The following ZNF473 variants were observed in gnomAD, a reference collection of about 807,000 sequenced individuals.
The protein encoded by ZNF473 is zinc finger protein 100 homolog.
In ZNF473, 4 loss-of-function variants were observed where a neutral mutation model predicts 11.1. That is an observed-to-expected ratio of 0.36 (90% CI 0.18 to 0.82). ZNF473 has a LOEUF of 0.82. Among genes scored for constraint, ZNF473 ranks in the 40% least tolerant of loss-of-function variants. The probability of loss-of-function intolerance (pLI) is 0.49; values close to 1 mark genes in which losing one functional copy is unlikely to be tolerated. For missense variants in ZNF473, 854 were observed against 1,084.0 expected (o/e 0.79, Z 2.98); for synonymous variants, 404 against 390.4 (o/e 1.03, Z -0.41).
chr19:50,036,073 C>G (rs1978418006), intron 2 of ZNF473, among the ~76,000 whole-genome samples: 1 of 151,884 alleles, frequency 6.6e-6, no homozygotes, highest in Admixed American at 6.6e-5. Flanking sequence ...CCTCCTACCT[C>G]AGCCTCCCGA....
At chr19:50,044,288 A>T (rs1978944209) in intron 4 of ZNF473, among the ~76,000 whole-genome samples, 1 of 152,170 alleles carries the variant, frequency 6.6e-6, no homozygotes, top group Admixed American at 6.5e-5. Flanking sequence ...GGAGAACTGG[A>T]TGGATGGTGG....
chr19:50,045,369 A>G lies in ZNF473; in HGVS notation c.926A>G (p.Glu309Gly), dbSNP rs16981706. The change falls in exon 5 of 5, where the codon GAG becomes GGG. Residue 309 changes from glutamate (E) to glycine (G), a missense_variant. By Grantham distance (98) the Glu-to-Gly change is moderately conservative. Around this residue, in one of 2 missense-constraint regions of ZNF473, gnomAD observed 668 missense variants for 790.2 expected, o/e 0.85. Transcript: ENST00000270617. ...CCCAGTCATGACACACAGCCTGGTG[A>G]GCATCAGAAAACTCACACAGATAGT... ...HPPSHDTQPG[E>G]HQKTHTDSKS... 15,922 of 1,614,104 alleles carry G rather than the reference A, an allele frequency of 9.9e-3. 1,367 individuals carry two copies. In the African/African-American group the frequency reaches 0.19, roughly 19 times the overall value.
rs1978645900 is a variant in ZNF473 at position 50,039,307 on chromosome 19, AG to A, written c.136+24del. The A allele has an allele frequency of 6.2e-7, 1 of 1,613,556 alleles. No individual in the cohort carries two copies. ...TGCTGGGTGAGTGTTGCCTGTCCCC[AG>A]GGGCCTACTCACTGCCCTGCTTGGT... On this transcript the variant is annotated intron_variant, in intron 3 of 4. Transcript: ENST00000270617. The surrounding 1 kb of genome is among the most constrained non-coding windows in gnomAD (Gnocchi z 4.8).
At chr19:50,041,450 G>T (rs1978762166) in intron 3 of ZNF473, 1 of 251,852 alleles carries the variant, frequency 4.0e-6, no homozygotes, top group East Asian at 8.0e-5. Context: ...GGCAGATCCT[G>T]CCCATTAAAG....
chr19:50,046,892 A>G lies in ZNF473; in HGVS notation c.2449A>G (p.Asn817Asp). Residue 817 changes from asparagine (N) to aspartate (D), a missense_variant, in exon 5 of 5, where the codon AAT becomes GAT. Transcript: ENST00000270617. The surrounding 1 kb of genome is among the most constrained non-coding windows in gnomAD (Gnocchi z 5.9). ...CACAGGGGAGAAGCCTTACTCCTGT[A>G]ATGTGTGTGGCAAAGCTTTTGTCCT... is the stretch of plus-strand genomic sequence containing the variant. Reference protein sequence around the residue: ...IHTGEKPYSCNVCGKAFVLSA... With the variant: ...IHTGEKPYSCDVCGKAFVLSA... The G allele has an allele frequency of 3.1e-6, 5 of 1,614,188 alleles. No individual in the cohort carries two copies. Among genetic ancestry groups the G allele is most frequent in the Non-Finnish European group, 4.2e-6 (5 of 1,180,030 alleles).
chr19:50,036,711 G>A (rs1286122480), intron 2 of ZNF473, among the ~76,000 whole-genome samples: 2 of 152,092 alleles, frequency 1.3e-5, no homozygotes, highest in Non-Finnish European at 2.9e-5. Flanking sequence ...GGGTTATCAT[G>A]AGAGTGGGTC....
chr19:50,043,667 A>C (rs1600761009), intron 4 of ZNF473, among the ~76,000 whole-genome samples: 1 of 151,886 alleles, frequency 6.6e-6, no homozygotes, highest in South Asian at 2.1e-4. Flanking sequence ...CAGTGGATGG[A>C]TGAGCAGTGG....
Position 50,045,361 on chromosome 19 carries a change from G to C in ZNF473, c.918G>C (p.Gln306His). The C allele has an allele frequency of 6.2e-7, 1 of 1,614,148 alleles. No homozygotes were observed. The highest frequency in any genetic ancestry group is 8.5e-7 in the Non-Finnish European group (1 of 1,180,022). ...DSDHPPSHDT[Q>H]PGEHQKTHTD... The stretch of plus-strand genomic sequence containing the variant: ...ACCACCCACCCAGTCATGACACACA[G>C]CCTGGTGAGCATCAGAAAACTCACA... Residue 306 changes from glutamine (Q) to histidine (H), a missense_variant, in exon 5 of 5, where the codon CAG becomes CAC. Transcript: ENST00000270617.
Position 50,046,155 on chromosome 19 carries a change from T to G in ZNF473, c.1712T>G (p.Phe571Cys). The change falls in exon 5 of 5, where the codon TTT becomes TGT. Residue 571 changes from phenylalanine (F) to cysteine (C), a missense_variant. Phe to Cys is a radical substitution (Grantham distance 205). This residue lies in a region of ZNF473 where 668 missense variants were observed against 790.2 expected (regional missense o/e 0.85). Transcript: ENST00000270617. The surrounding 1 kb of genome is among the most constrained non-coding windows in gnomAD (Gnocchi z 5.9). ...AAGTGTAACAAATGTGAGAAAACCT[T>G]TAGCTGCAGCAAATACCTAACTCAG... The part of the protein sequence containing the change: ...CFKCNKCEKT[F>C]SCSKYLTQHE... 6.2e-7 allele frequency: 1 copy of G among 1,614,088 alleles called. No homozygotes were observed. The highest frequency in any genetic ancestry group is 8.5e-7 in the Non-Finnish European group (1 of 1,180,016).
At chr19:50,031,895 A>G (rs1568833858) in intron 2 of ZNF473, among the ~76,000 whole-genome samples, 1 of 151,984 alleles carries the variant, frequency 6.6e-6, no homozygotes, top group Non-Finnish European at 1.5e-5. Flanking sequence ...CCCTCCAGGA[A>G]GCTTTCCCTG....
In ZNF473 at chr19:50,031,016, C is replaced by T; in HGVS notation, c.-67C>T. On this transcript the variant is annotated 5_prime_UTR_variant, in exon 2 of 5. Coordinates refer to ENST00000270617, the MANE Select transcript of ZNF473 (RefSeq NM_015428.4). ...CAGCTCCCTTGTGCTTCCCACAGCCCTGCCAGCCGGGAACACGGAGGGGAA... is the reference window on the plus strand; with the variant it reads ...CAGCTCCCTTGTGCTTCCCACAGCCTTGCCAGCCGGGAACACGGAGGGGAA... 6.4e-7 allele frequency: 1 copy of T among 1,552,434 alleles called. No homozygotes were observed.
In ZNF473 at chr19:50,045,002, A is replaced by AG; in HGVS notation, c.563dup (p.Glu189Ter). 6.2e-7 allele frequency: 1 copy of AG among 1,614,258 alleles called. No homozygotes were observed. The highest frequency in any genetic ancestry group is 8.5e-7 in the Non-Finnish European group (1 of 1,180,040). Reference sequence around the variant, plus strand: ...CACACCAGCTAAGTCTAAGGAATATAGGGGTGAGTTTTTCTCCTACTCCGA... The same window carrying AG: ...CACACCAGCTAAGTCTAAGGAATATAGGGGGTGAGTTTTTCTCCTACTCCGA... On this transcript the variant is annotated frameshift_variant, in exon 5 of 5. Transcript: ENST00000270617. LOFTEE classifies it low-confidence loss of function (END_TRUNC).
At position 50,036,942 on chromosome 19, in the gene ZNF473, T is replaced by G. The variant is rs115587203; in HGVS notation, c.10-2219T>G. Reference sequence around the variant, plus strand: ...AGATGGACTAATACACTGTGTAACTTGGAGAAAGTGACTATTTGGGCCTTG... The same window carrying G: ...AGATGGACTAATACACTGTGTAACTGGGAGAAAGTGACTATTTGGGCCTTG... On this transcript the variant is annotated intron_variant, in intron 2 of 4. Coordinates refer to ENST00000270617, the MANE Select transcript of ZNF473 (RefSeq NM_015428.4). 5.6e-3 allele frequency among the ~76,000 whole-genome samples: 859 copies of G among 152,290 alleles called. 5 individuals carry two copies. The highest frequency in any genetic ancestry group is 0.019 in the African/African-American group (776 of 41,564).
intron 2 of ZNF473, among the ~76,000 whole-genome samples, chr19:50,038,744 G>A (rs933349161): frequency 7.2e-5 from 11 of 152,174 alleles, no homozygotes; most frequent in African/African-American, 2.4e-4. Flanking sequence ...AGGAGTTACT[G>A]TTCATACTGA....
chr19:50,031,576 C>G (rs960716460), intron 2 of ZNF473, among the ~76,000 whole-genome samples: 5 of 152,154 alleles, frequency 3.3e-5, no homozygotes, highest in African/African-American at 1.2e-4. Context: ...CCACCCTTCC[C>G]TAGGCAGTCA....
intron 1 of ZNF473, among the ~76,000 whole-genome samples, chr19:50,028,489 G>A (rs2077299811): frequency 6.6e-6 from 1 of 151,002 alleles, no homozygotes; most frequent in Non-Finnish European, 1.5e-5. Context: ...CTACAGGCAC[G>A]TGCCACCACA....
chr19:50,028,739 C>T (rs1489834353), intron 1 of ZNF473, among the ~76,000 whole-genome samples: 4 of 152,088 alleles, frequency 2.6e-5, no homozygotes, highest in Admixed American at 2.6e-4. Flanking sequence ...GTGAAATTTC[C>T]CAATTTTCAA....
At position 50,047,570 on chromosome 19, in the gene ZNF473, A is replaced by AT. The variant is rs1320661430; in HGVS notation, c.*514dup. 1 of 153,222 alleles carries AT rather than the reference A, an allele frequency of 6.5e-6. No homozygotes were observed. Among genetic ancestry groups the AT allele is most frequent in the African/African-American group, 2.4e-5 (1 of 41,458 alleles). The allele number at this position is 153,222 out of a possible 1,614,324, so 9.5% of individuals were successfully genotyped here. A position where few individuals can be genotyped will look rare whatever the true frequency, so the allele number is the denominator to read the frequency against. Reference sequence around the variant, plus strand: ...ATGTTCTTACAATGTATCGCTTTTAATTTAAGTTTTCCTTTTTTACAGTTT... The same window carrying AT: ...ATGTTCTTACAATGTATCGCTTTTAATTTTAAGTTTTCCTTTTTTACAGTTT... On this transcript the variant is annotated 3_prime_UTR_variant, in exon 5 of 5. Transcript: ENST00000270617.
At position 50,036,314 on chromosome 19, in the gene ZNF473, C is replaced by CTTTTTT. The variant is rs35619461; in HGVS notation, c.10-2835_10-2830dup. ...ATGTAGCTGTATTAAGAGGTGGGGC[C>CTTTTTT]TTTTTTTTTTTTTTTTTGAGATGGA... On this transcript the variant is annotated intron_variant, in intron 2 of 4. Coordinates refer to ENST00000270617, the MANE Select transcript of ZNF473 (RefSeq NM_015428.4). Among the ~76,000 whole-genome samples the CTTTTTT allele has an allele frequency of 4.7e-3, 506 of 108,764 alleles. 26 individuals carry two copies. Among genetic ancestry groups the CTTTTTT allele is most frequent in the African/African-American group, 0.019 (488 of 25,096 alleles). 71.4% of individuals were successfully genotyped at this position (108,764 alleles called of 152,430 possible).
Sources: allele counts gnomAD v4.1 joint callset (sites outside exome capture counted in the v4.1 genomes callset), GRCh38; gene constraint gnomAD v4.1.1; regional missense constraint gnomAD v4.1.1; non-coding constraint Gnocchi (gnomAD v3.1); transcripts MANE v1.5; gene names NCBI Gene and HGNC (gene_info 2026-07-23, HGNC 2026-07-21).